The following MCOLN1 variants were observed in gnomAD, a reference collection of about 807,000 sequenced individuals.
MCOLN1 encodes the protein mucolipin TRP cation channel 1, also known as mucolipin-1.
Under a neutral mutation model 70.3 loss-of-function variants are expected in MCOLN1, and 50 were observed. The ratio of observed to expected loss-of-function variants is 0.71; its 90% CI spans 0.57 to 0.90. The LOEUF is 0.90. Ranked by LOEUF, MCOLN1 falls within the 40% of genes least tolerant of loss-of-function variation. MCOLN1 has a pLI of 0.00. For synonymous variants in MCOLN1, 366 were observed against 341.0 expected (o/e 1.07, Z -0.81); for missense variants, 598 against 803.5 (o/e 0.74, Z 3.09).
Position 7,526,199 on chromosome 19 carries a change from C to CG in MCOLN1, c.238-235dup. ...AGATGAGTCCCCACCCTGTGTTGTA[C>CG]GGGGGAGGACACAGTGGTGGGCGTG... On this transcript the variant is annotated intron_variant, in intron 2 of 13. Coordinates refer to ENST00000264079, the MANE Select transcript of MCOLN1 (RefSeq NM_020533.3). This position sits in a 1 kb window ranked among gnomAD's most constrained non-coding sequence, Gnocchi z 4.6. 1.7e-6 allele frequency: 1 copy of CG among 593,024 alleles called. No individual in the cohort carries two copies. Among genetic ancestry groups the CG allele is most frequent in the Non-Finnish European group, 3.0e-6 (1 of 330,098 alleles). 36.7% of individuals were successfully genotyped at this position (593,024 alleles called of 1,614,324 possible). A position where few individuals can be genotyped will look rare whatever the true frequency, so the allele number is the denominator to read the frequency against.
At chr19:7,527,290 AAAAAAC>A in intron 4 of MCOLN1, 4 of 554,048 alleles carry the variant, frequency 7.2e-6, no homozygotes, top group Non-Finnish European at 3.2e-6. Context: ...AAAAAAAAAA[AAAAAAC>A]AAGTATGCTT....
In MCOLN1 at chr19:7,525,044, G is replaced by A; in HGVS notation, c.115G>A (p.Glu39Lys). 6.2e-7 allele frequency: 1 copy of A among 1,614,126 alleles called. No homozygotes were observed. Among genetic ancestry groups the A allele is most frequent in the Non-Finnish European group, 8.5e-7 (1 of 1,180,036 alleles). ...SPAPPTPPEEEDLRRRLKYFF... is the reference protein window; with the variant it reads ...SPAPPTPPEEKDLRRRLKYFF... ...GGCCCCTCCGACACCCCCAGAAGAGGAAGACCTTCGCCGTCGTCTCAAATA... is the reference window on the plus strand; with the variant it reads ...GGCCCCTCCGACACCCCCAGAAGAGAAAGACCTTCGCCGTCGTCTCAAATA... The change falls in exon 2 of 14, where the codon GAA becomes AAA. Residue 39 changes from glutamate (E) to lysine (K), a missense_variant. Physicochemically the swap from Glu to Lys is moderately conservative, Grantham distance 56 (BLOSUM62 1). Transcript: ENST00000264079. This position sits in a 1 kb window ranked among gnomAD's most constrained non-coding sequence, Gnocchi z 4.2.
Position 7,526,566 on chromosome 19 carries a change from G to A in MCOLN1, c.365G>A (p.Arg122Gln), listed in dbSNP as rs371444491. 1.6e-4 allele frequency: 252 copies of A among 1,613,784 alleles called. No individual in the cohort carries two copies. Among genetic ancestry groups the A allele is most frequent in the Non-Finnish European group, 2.0e-4 (237 of 1,180,032 alleles). ...GATGACACCTTCGCAGCCTACACGCGGGAGCAGCTGTACCAGGCCATCTTC... is the reference window on the plus strand; with the variant it reads ...GATGACACCTTCGCAGCCTACACGCAGGAGCAGCTGTACCAGGCCATCTTC... ...GADDTFAAYT[R>Q]EQLYQAIFHA... The change falls in exon 3 of 14, where the codon CGG becomes CAG. Residue 122 changes from arginine (R) to glutamine (Q), a missense_variant. By Grantham distance (43) the Arg-to-Gln change is conservative (BLOSUM62 1). Around this residue, in one of 3 missense-constraint regions of MCOLN1, gnomAD observed 461 missense variants for 588.4 expected, o/e 0.78. Coordinates refer to ENST00000264079, the MANE Select transcript of MCOLN1 (RefSeq NM_020533.3). The surrounding 1 kb of genome is among the most constrained non-coding windows in gnomAD (Gnocchi z 4.6).
intron 12 of MCOLN1, among the ~76,000 whole-genome samples, chr19:7,531,631 C>T (rs930385811): frequency 1.3e-4 from 20 of 152,114 alleles, no homozygotes; most frequent in African/African-American, 4.8e-4. Context: ...CAGCCATGCC[C>T]CCGACTCCCT....
Position 7,526,862 on chromosome 19 carries a change from C to T in MCOLN1, c.507C>T (p.Tyr169=), listed in dbSNP as rs896210352. The change falls in exon 4 of 14, where the codon TAC becomes TAT. Residue 169 remains tyrosine, a synonymous_variant. Transcript: ENST00000264079. This position sits in a 1 kb window ranked among gnomAD's most constrained non-coding sequence, Gnocchi z 4.6. ...NGSGLALCQR[Y]YHRGHVDPAN... is the part of the protein sequence containing the mutation. ...CAGGGCTTGCTCTCTGCCAGCGGTA[C>T]TACCACCGAGGCCACGTGGACCCGG... 102 of 1,614,058 alleles carry T rather than the reference C, an allele frequency of 6.3e-5. No individual in the cohort carries two copies. Among genetic ancestry groups the T allele is most frequent in the Non-Finnish European group, 8.1e-5 (96 of 1,180,028 alleles).
chr19:7,529,962 C>T (rs1053148031), intron 11 of MCOLN1, among the ~76,000 whole-genome samples: 3 of 152,222 alleles, frequency 2.0e-5, no homozygotes, highest in Admixed American at 6.5e-5. Context: ...GTCATTGACC[C>T]GTGGTCCCGG....
chr19:7,527,887 TC>T lies in MCOLN1; in HGVS notation c.706del (p.Arg236GlyfsTer2). On this transcript the variant is annotated frameshift_variant, in exon 6 of 14. Coordinates refer to ENST00000264079, the MANE Select transcript of MCOLN1 (RefSeq NM_020533.3). LOFTEE classifies it high-confidence loss of function. Reference sequence around the variant, plus strand: ...AGGCTGGTCAATGTCACCATCCACTTCCGGCTGAAGACCATTAACCTCCAGA... The same window carrying T: ...AGGCTGGTCAATGTCACCATCCACTTCGGCTGAAGACCATTAACCTCCAGA... The part of the protein sequence containing the change: ...FHKLVNVTIH[F>X]RLKTINLQSL... 6.2e-7 allele frequency: 1 copy of T among 1,614,056 alleles called. No homozygotes were observed. The highest frequency in any genetic ancestry group is 8.5e-7 in the Non-Finnish European group (1 of 1,179,960).
intron 12 of MCOLN1, among the ~76,000 whole-genome samples, chr19:7,532,003 A>C (rs576816679): frequency 6.6e-6 from 1 of 152,342 alleles, no homozygotes; most frequent in African/African-American, 2.4e-5. Context: ...GGCTCAACCC[A>C]GGGCTGTCTG....
Position 7,522,795 on chromosome 19 carries a change from C to T in MCOLN1, c.31+14C>T. On this transcript the variant is annotated intron_variant, in intron 1 of 13. Coordinates refer to ENST00000264079, the MANE Select transcript of MCOLN1 (RefSeq NM_020533.3). ...CGCGCGGCTCAGGTGAGGGCGCGGG[C>T]GGCACCGTGGGGCCCCGAACTCAGG... 1.5e-6 allele frequency: 2 copies of T among 1,332,850 alleles called. No individual in the cohort carries two copies. Among genetic ancestry groups the T allele is most frequent in the Non-Finnish European group, 1.9e-6 (2 of 1,046,822 alleles). The allele number at this position is 1,332,850 out of a possible 1,614,324, so 82.6% of individuals were successfully genotyped here.
intron 1 of MCOLN1, among the ~76,000 whole-genome samples, chr19:7,523,590 G>GGAGGCCAGGCCCTAGAAAGCAGCAC (rs2022525787): frequency 6.6e-6 from 1 of 152,246 alleles, no homozygotes; most frequent in Non-Finnish European, 1.5e-5. Context: ...TTGCTAGGCA[G>GGAGGCCAGGCCCTAGAAAGCAGCAC]GAGGCCAGGC....
Position 7,528,944 on chromosome 19 carries a change from A to G in MCOLN1, c.1108A>G (p.Ile370Val), listed in dbSNP as rs769051317. ...TSDVLTISGT[I>V]MKIGIEAKNL... ...CGATGTGCTCACCATCTCGGGCACCATCATGAAGATCGGCATCGAGGCCAA... is the reference window on the plus strand; with the variant it reads ...CGATGTGCTCACCATCTCGGGCACCGTCATGAAGATCGGCATCGAGGCCAA... Residue 370 changes from isoleucine (I) to valine (V), a missense_variant, in exon 9 of 14, where the codon ATC becomes GTC. Physicochemically the swap from Ile to Val is conservative, Grantham distance 29 (BLOSUM62 3). Around this residue, in one of 3 missense-constraint regions of MCOLN1, gnomAD observed 461 missense variants for 588.4 expected, o/e 0.78. Coordinates refer to ENST00000264079, the MANE Select transcript of MCOLN1 (RefSeq NM_020533.3). The surrounding 1 kb of genome is among the most constrained non-coding windows in gnomAD (Gnocchi z 4.2). 1.9e-6 allele frequency: 3 copies of G among 1,614,160 alleles called. No homozygotes were observed. The highest frequency in any genetic ancestry group is 2.5e-6 in the Non-Finnish European group (3 of 1,180,024).
intron 10 of MCOLN1, 85 bp from the exon 11 acceptor site, chr19:7,529,505 C>CCCCCCCCCCCCCCCCCCCAA: frequency 1.3e-6 from 1 of 755,744 alleles, no homozygotes; most frequent in Non-Finnish European, 2.3e-6. Flanking sequence ...GGCAAGGCCC[C>CCCCCCCCCCCCCCCCCCCAA]GCCCCTCCCA....
chr19:7,530,851 C>T (rs2146026483), intron 12 of MCOLN1, among the ~76,000 whole-genome samples: 1 of 152,282 alleles, frequency 6.6e-6, no homozygotes, highest in East Asian at 1.9e-4. Context: ...TCAAGCAATT[C>T]TGTCTCAGCC....
intron 10 of MCOLN1, among the ~76,000 whole-genome samples, 176 bp from the exon 11 acceptor site, chr19:7,529,414 G>T (rs1341920661): frequency 2.0e-5 from 3 of 152,164 alleles, no homozygotes; most frequent in Middle Eastern, 3.2e-3. Context: ...CTAGCCGTGC[G>T]TTGCCCTCGG....
In MCOLN1 at chr19:7,528,911, G is replaced by A. The variant is rs779025750; in HGVS notation, c.1075G>A (p.Val359Ile). The change falls in exon 9 of 14, where the codon GTC becomes ATC. Residue 359 changes from valine (V) to isoleucine (I), a missense_variant. Physicochemically the swap from Val to Ile is conservative, Grantham distance 29. Around this residue, in one of 3 missense-constraint regions of MCOLN1, gnomAD observed 461 missense variants for 588.4 expected, o/e 0.78. Transcript: ENST00000264079. This position sits in a 1 kb window ranked among gnomAD's most constrained non-coding sequence, Gnocchi z 4.2. Reference sequence around the variant, plus strand: ...TGTCAATGGCTGGTACATCCTGCTCGTCACCAGCGATGTGCTCACCATCTC... The same window carrying A: ...TGTCAATGGCTGGTACATCCTGCTCATCACCAGCGATGTGCTCACCATCTC... ...EFVNGWYILL[V>I]TSDVLTISGT... The A allele has an allele frequency of 1.4e-5, 22 of 1,614,020 alleles. No homozygotes were observed. Among genetic ancestry groups the A allele is most frequent in the African/African-American group, 4.0e-5 (3 of 74,922 alleles).
In MCOLN1 at chr19:7,524,567, C is replaced by T. The variant is rs776784482; in HGVS notation, c.32-394C>T. On this transcript the variant is annotated intron_variant, in intron 1 of 13. Coordinates refer to ENST00000264079, the MANE Select transcript of MCOLN1 (RefSeq NM_020533.3). The surrounding 1 kb of genome is among the most constrained non-coding windows in gnomAD (Gnocchi z 4.1). ...TCATTCTCTCCCCACTGATCAATAA[C>T]GGGAACATTGATGAAATGTTCTGAC... Among the ~76,000 whole-genome samples the T allele has an allele frequency of 7.9e-5, 12 of 152,174 alleles. No homozygotes were observed. The highest frequency in any genetic ancestry group is 1.3e-4 in the Admixed American group (2 of 15,278).
chr19:7,527,647 AGG>A lies in MCOLN1; in HGVS notation c.680+24_680+25del. The A allele has an allele frequency of 6.5e-7, 1 of 1,534,924 alleles. No individual in the cohort carries two copies. Among genetic ancestry groups the A allele is most frequent in the Non-Finnish European group, 9.0e-7 (1 of 1,107,802 alleles). On this transcript the variant is annotated intron_variant, in intron 5 of 13. Transcript: ENST00000264079. ...TCCACAAGTACTGCCTGCTCACTCG[AGG>A]GGGGCCCAGGGTGGGGGAGGCAGCA...
intron 11 of MCOLN1, among the ~76,000 whole-genome samples, chr19:7,530,043 C>T (rs369876594): frequency 2.0e-5 from 3 of 151,770 alleles, no homozygotes; most frequent in African/African-American, 7.2e-5. Context: ...CCCGGCCATT[C>T]ACGTGGGACC....
In MCOLN1 at chr19:7,528,655, C is replaced by G; in HGVS notation, c.936C>G (p.Ser312=). 6.2e-7 allele frequency: 1 copy of G among 1,614,224 alleles called. No individual in the cohort carries two copies. The highest frequency in any genetic ancestry group is 1.3e-5 in the African/African-American group (1 of 75,066). The change falls in exon 8 of 14, where the codon TCC becomes TCG. Residue 312 remains serine, a synonymous_variant. Transcript: ENST00000264079. The surrounding 1 kb of genome is among the most constrained non-coding windows in gnomAD (Gnocchi z 4.2). ...DVVVILTCSL[S]FLLCARSLLR... ...TGGTCATCCTCACCTGCTCCCTGTC[C>G]TTCCTCCTCTGCGCCCGCTCACTCC... is the stretch of plus-strand genomic sequence containing the variant.
Sources: allele counts gnomAD v4.1 joint callset (sites outside exome capture counted in the v4.1 genomes callset), GRCh38; gene constraint gnomAD v4.1.1; regional missense constraint gnomAD v4.1.1; non-coding constraint Gnocchi (gnomAD v3.1); transcripts MANE v1.5; gene names NCBI Gene and HGNC (gene_info 2026-07-23, HGNC 2026-07-21).